TMEM132C: variants seen among roughly 807,000 people sequenced by gnomAD.
TMEM132C encodes the protein protein phosphatase 1, regulatory subunit 152.
TMEM132C carries 29 observed loss-of-function variants against 61.4 expected under a neutral mutation model. The observed-to-expected ratio is 0.47, with a 90% CI of 0.35 to 0.64. The LOEUF is 0.64. TMEM132C is among the 30% of genes least tolerant of loss of function. The probability of loss-of-function intolerance (pLI) is 0.00; values close to 1 mark genes in which losing one functional copy is unlikely to be tolerated. For synonymous variants in TMEM132C, 656 were observed against 633.1 expected (o/e 1.04, Z -0.54); for missense variants, 1,408 against 1,476.9 (o/e 0.95, Z 0.76).
At position 128,587,880 on chromosome 12, in the gene TMEM132C, G is replaced by A. The variant is rs186370375; in HGVS notation, c.1122-28272G>A. Among the ~76,000 whole-genome samples, 140 of 152,294 alleles carry A rather than the reference G, an allele frequency of 9.2e-4. 1 individual carries two copies. The highest frequency in any genetic ancestry group is 3.1e-3 in the African/African-American group (130 of 41,552). Reference sequence around the variant, plus strand: ...TAAGTAACAGAACAATAGTTACCTCGAATGAGGAAAACATGATGCAGGCGA... The same window carrying A: ...TAAGTAACAGAACAATAGTTACCTCAAATGAGGAAAACATGATGCAGGCGA... On this transcript the variant is annotated intron_variant, in intron 3 of 8. Coordinates refer to ENST00000435159, the MANE Select transcript of TMEM132C (RefSeq NM_001136103.3).
chr12:128,357,643 C>T (rs548965973), intron 1 of TMEM132C, among the ~76,000 whole-genome samples: 68 of 147,436 alleles, frequency 4.6e-4, no homozygotes, highest in African/African-American at 1.4e-3. Context: ...TGCAGTGAGC[C>T]GAGATCATGC....
intron 2 of TMEM132C, among the ~76,000 whole-genome samples, chr12:128,442,926 T>C: frequency 6.6e-6 from 1 of 152,198 alleles, no homozygotes; most frequent in Non-Finnish European, 1.5e-5. Flanking sequence ...AATTTGACTA[T>C]AAACTATATA....
chr12:128,362,856 G>A (rs1164080038), intron 1 of TMEM132C, among the ~76,000 whole-genome samples: 1 of 152,234 alleles, frequency 6.6e-6, no homozygotes, highest in Non-Finnish European at 1.5e-5. Context: ...GTTCATGAAA[G>A]TGATTTTTTG....
chr12:128,408,425 C>T (rs1364223492), intron 1 of TMEM132C, among the ~76,000 whole-genome samples: 1 of 152,072 alleles, frequency 6.6e-6, no homozygotes, highest in Non-Finnish European at 1.5e-5. Flanking sequence ...TCCTGTGCCC[C>T]GCCCCTTCAC....
At chr12:128,374,055 A>G (rs558071020) in intron 1 of TMEM132C, among the ~76,000 whole-genome samples, 7 of 152,270 alleles carry the variant, frequency 4.6e-5, no homozygotes, top group African/African-American at 1.7e-4. Flanking sequence ...AATGGGGATA[A>G]TAAGAGTCCC....
intron 1 of TMEM132C, among the ~76,000 whole-genome samples, chr12:128,282,485 C>G (rs1395631149): frequency 5.9e-5 from 9 of 152,208 alleles, no homozygotes. Context: ...ATAAAACCGT[C>G]AGATCTTGTG....
At chr12:128,416,596 C>T (rs1200519658) in intron 2 of TMEM132C, among the ~76,000 whole-genome samples, 1 of 152,100 alleles carries the variant, frequency 6.6e-6, no homozygotes, top group Non-Finnish European at 1.5e-5. Flanking sequence ...AGAATGATAG[C>T]CTATCATAGC....
intron 2 of TMEM132C, among the ~76,000 whole-genome samples, chr12:128,419,933 C>A (rs1354847606): frequency 6.6e-6 from 1 of 152,106 alleles, no homozygotes; most frequent in Admixed American, 6.5e-5. Flanking sequence ...TAGCTCACAC[C>A]TGTAATCCCA....
intron 1 of TMEM132C, among the ~76,000 whole-genome samples, chr12:128,368,672 G>A (rs796359334): frequency 9.8e-5 from 15 of 152,310 alleles, no homozygotes; most frequent in Admixed American, 2.6e-4. Flanking sequence ...ACATCCATTG[G>A]TTGGAAAGCA....
chr12:128,654,988 G>A (rs577913161), intron 4 of TMEM132C, among the ~76,000 whole-genome samples: 2 of 152,306 alleles, frequency 1.3e-5, no homozygotes, highest in East Asian at 1.9e-4. Flanking sequence ...TGCTCCTACC[G>A]AATCTAAGGC....
At chr12:128,664,073 T>TGCGC (rs1954430776) in intron 4 of TMEM132C, among the ~76,000 whole-genome samples, 1 of 64,602 alleles carries the variant, frequency 1.5e-5, no homozygotes, top group East Asian at 3.7e-4. Flanking sequence ...CACACACACA[T>TGCGC]ACAGGCACAA....
chr12:128,298,524 CGGT>C (rs1871495559), intron 1 of TMEM132C, among the ~76,000 whole-genome samples: 1 of 152,142 alleles, frequency 6.6e-6, no homozygotes, highest in Non-Finnish European at 1.5e-5. Flanking sequence ...CACGTAACTA[CGGT>C]ACGTACGACT....
intron 1 of TMEM132C, among the ~76,000 whole-genome samples, chr12:128,359,846 G>C (rs74721015): frequency 6.6e-6 from 1 of 152,214 alleles, no homozygotes; most frequent in Admixed American, 6.5e-5. Context: ...TAAAGATAGC[G>C]GCTAATTAGT....
chr12:128,408,341 AG>A (rs1269878419), intron 1 of TMEM132C, among the ~76,000 whole-genome samples: 1 of 152,220 alleles, frequency 6.6e-6, no homozygotes, highest in Non-Finnish European at 1.5e-5. Flanking sequence ...GGAAGAATGA[AG>A]AATGAATGAC....
chr12:128,467,393 T>G (rs925556929), intron 2 of TMEM132C, among the ~76,000 whole-genome samples: 6 of 152,206 alleles, frequency 3.9e-5, no homozygotes, highest in Admixed American at 3.3e-4. Flanking sequence ...ATGGAGTTTT[T>G]GATGATAATG....
At chr12:128,323,250 T>C (rs756926734) in intron 1 of TMEM132C, among the ~76,000 whole-genome samples, 6 of 152,208 alleles carry the variant, frequency 3.9e-5, no homozygotes, top group Admixed American at 6.5e-5. Context: ...ATTCTATCAG[T>C]TAAAAGCAGC....
chr12:128,270,539 G>T (rs914090784), intron 1 of TMEM132C, among the ~76,000 whole-genome samples: 2 of 152,136 alleles, frequency 1.3e-5, no homozygotes, highest in African/African-American at 4.8e-5. Flanking sequence ...GGGGTTTTGG[G>T]TTTCTGGTAA....
At chr12:128,303,468 G>C (rs905788366) in intron 1 of TMEM132C, among the ~76,000 whole-genome samples, 2 of 152,176 alleles carry the variant, frequency 1.3e-5, no homozygotes, top group Admixed American at 6.5e-5. Context: ...TTAATTTACT[G>C]TTTCTGCAGA....
At chr12:128,308,258 A>T (rs537986192) in intron 1 of TMEM132C, among the ~76,000 whole-genome samples, 1 of 152,220 alleles carries the variant, frequency 6.6e-6, no homozygotes, top group African/African-American at 2.4e-5. Flanking sequence ...GCAGGAGTCC[A>T]TAATAGTCTG....
Sources: allele counts gnomAD v4.1 joint callset (sites outside exome capture counted in the v4.1 genomes callset), GRCh38; gene constraint gnomAD v4.1.1; transcripts MANE v1.5; gene names NCBI Gene and HGNC (gene_info 2026-07-23, HGNC 2026-07-21).